The following NME8 variants were observed in gnomAD, a reference collection of about 807,000 sequenced individuals.
NME8 encodes the protein NME/NM23 family member 8.
In NME8, 72 loss-of-function variants were observed where a neutral mutation model predicts 82.3. That is an observed-to-expected ratio of 0.87 (90% CI 0.72 to 1.06). The LOEUF (loss-of-function observed/expected upper bound fraction) is 1.06, where lower values mean the gene tolerates loss of function less well. Ranked by LOEUF, NME8 falls within the 50% of genes least tolerant of loss-of-function variation. The pLI, the probability that NME8 is intolerant of heterozygous loss-of-function variation, is 0.00. For synonymous variants in NME8, 267 were observed against 228.5 expected, an observed-to-expected ratio of 1.17 and a Z score of -1.52; for missense variants, 712 against 685.4, an observed-to-expected ratio of 1.04 and a Z score of -0.43.
intron 11 of NME8, among the ~76,000 whole-genome samples, chr7:37,872,907 T>C (rs1483111736): frequency 6.6e-6 from 1 of 152,068 alleles, no homozygotes; most frequent in African/African-American, 2.4e-5. Context: ...TACAGGAACA[T>C]CCTGGGAAGA....
Position 37,887,980 on chromosome 7 carries a change from C to T in NME8, c.1248-297C>T, listed in dbSNP as rs28612250. Among the ~76,000 whole-genome samples the T allele has an allele frequency of 0.15, 22,674 of 152,164 alleles. 2,024 individuals are homozygous for T. The highest frequency in any genetic ancestry group is 0.24 in the Middle Eastern group (70 of 294). On this transcript the variant is annotated intron_variant, in intron 14 of 17. Coordinates refer to ENST00000199447, the MANE Select transcript of NME8 (RefSeq NM_016616.5). Reference sequence around the variant, plus strand: ...GGGGATTTTGGGGATTACAATTCAACATGAGAATTGGGTGGGAACAAAGCC... The same window carrying T: ...GGGGATTTTGGGGATTACAATTCAATATGAGAATTGGGTGGGAACAAAGCC...
intron 14 of NME8, among the ~76,000 whole-genome samples, chr7:37,887,752 G>T (rs1785066426): frequency 6.6e-6 from 1 of 152,112 alleles, no homozygotes; most frequent in Non-Finnish European, 1.5e-5. Flanking sequence ...GGCTGGGGAA[G>T]CCTCAGGAAA....
intron 15 of NME8, 118 bp from the exon 16 acceptor site, chr7:37,894,348 C>A: frequency 2.9e-6 from 3 of 1,039,336 alleles, no homozygotes; most frequent in Non-Finnish European, 4.4e-6. Context: ...CAGAGTTTTG[C>A]CATGTTAAAC....
At chr7:37,849,484 A>C (rs965870336) in intron 2 of NME8, among the ~76,000 whole-genome samples, 30 of 152,222 alleles carry the variant, frequency 2.0e-4, no homozygotes, top group Non-Finnish European at 4.4e-5. Flanking sequence ...AGCCTAGCAT[A>C]CAATAGTCCT....
chr7:37,896,752 A>G (rs1785234598), intron 16 of NME8, 118 bp from the exon 17 acceptor site: 1 of 838,632 alleles, frequency 1.2e-6, no homozygotes, highest in Non-Finnish European at 2.1e-6. Flanking sequence ...TGCACTGATA[A>G]GGACAAAGAA....
intron 12 of NME8, among the ~76,000 whole-genome samples, chr7:37,883,205 A>G (rs138774651): frequency 0.02 from 3,090 of 152,300 alleles, 43 homozygotes; most frequent in Non-Finnish European, 0.019. Context: ...AGCTGTTAAC[A>G]TTATATGGCA....
In NME8 at chr7:37,868,477, G is replaced by A. The variant is rs146955811; in HGVS notation, c.818+579G>A. Among the ~76,000 whole-genome samples, 254 of 152,218 alleles carry A rather than the reference G, an allele frequency of 1.7e-3. 1 individual carries two copies. The highest frequency in any genetic ancestry group is 5.9e-3 in the African/African-American group (244 of 41,536). On this transcript the variant is annotated intron_variant, in intron 11 of 17. Transcript: ENST00000199447. ...GATGCCAGCTTTAAATAATAGGGAA[G>A]TCTAGTTACTTCTAAATTCCTCAGA...
intron 10 of NME8, among the ~76,000 whole-genome samples, chr7:37,867,127 G>C (rs982144): frequency 1.3e-5 from 2 of 151,978 alleles, no homozygotes; most frequent in Non-Finnish European, 2.9e-5. Context: ...GGTGAGCAGC[G>C]GGATGACTTT....
intron 6 of NME8, among the ~76,000 whole-genome samples, chr7:37,861,400 G>A (rs17171184): frequency 0.16 from 23,758 of 152,078 alleles, 1,935 homozygotes; most frequent in South Asian, 0.19. Context: ...TTTAAACCAA[G>A]AATCACTTCC....
At position 37,850,709 on chromosome 7, in the gene NME8, G is replaced by A. The variant is rs369542497; in HGVS notation, c.172G>A (p.Glu58Lys). The change falls in exon 5 of 18, where the codon GAA becomes AAA. Residue 58 changes from glutamate (E) to lysine (K), a missense_variant. Physicochemically the swap from Glu to Lys is moderately conservative, Grantham distance 56. Transcript: ENST00000199447. ...CAGAAAATTGAAAAATGAACTGAACGAAGACGAAATTCTGCATTTTGCTGT... is the reference window on the plus strand; with the variant it reads ...CAGAAAATTGAAAAATGAACTGAACAAAGACGAAATTCTGCATTTTGCTGT... ...LFRKLKNELN[E>K]DEILHFAVAE... 8.3e-5 allele frequency: 134 copies of A among 1,613,172 alleles called. No homozygotes were observed. Among genetic ancestry groups the A allele is most frequent in the Non-Finnish European group, 1.0e-4 (121 of 1,179,336 alleles).
chr7:37,895,288 C>T (rs1785207208), intron 16 of NME8, among the ~76,000 whole-genome samples: 1 of 152,156 alleles, frequency 6.6e-6, no homozygotes, highest in African/African-American at 2.4e-5. Context: ...TTTATAACCA[C>T]CACATAGAAA....
chr7:37,872,280 C>T (rs1784776204), intron 11 of NME8, among the ~76,000 whole-genome samples: 1 of 152,170 alleles, frequency 6.6e-6, no homozygotes, highest in Non-Finnish European at 1.5e-5. Context: ...TCTTCTAAAG[C>T]ACAAGCTTGT....
intron 11 of NME8, among the ~76,000 whole-genome samples, chr7:37,870,161 G>A (rs1455754426): frequency 6.6e-6 from 1 of 151,452 alleles, no homozygotes; most frequent in Non-Finnish European, 1.5e-5. Context: ...CCAATCTTTT[G>A]GCTTCCCTGG....
intron 5 of NME8, among the ~76,000 whole-genome samples, chr7:37,852,268 ACT>A (rs1441641370): frequency 1.8e-4 from 28 of 151,844 alleles, no homozygotes; most frequent in Admixed American, 1.2e-3. Flanking sequence ...CTATCCCCAC[ACT>A]CTCATAGCCT....
chr7:37,882,132 AC>A (rs1316522071), intron 12 of NME8, among the ~76,000 whole-genome samples: 23 of 152,270 alleles, frequency 1.5e-4, no homozygotes, highest in African/African-American at 5.1e-4. Flanking sequence ...TGATCTTTAC[AC>A]ATTTATTTAA....
At chr7:37,899,217 A>C (rs927678697) in intron 17 of NME8, among the ~76,000 whole-genome samples, 3 of 152,216 alleles carry the variant, frequency 2.0e-5, no homozygotes, top group Non-Finnish European at 4.4e-5. Flanking sequence ...TCCTTCTATA[A>C]AGATACATGC....
chr7:37,852,055 G>A (rs2060712), intron 5 of NME8, among the ~76,000 whole-genome samples: 4 of 151,878 alleles, frequency 2.6e-5, no homozygotes, highest in African/African-American at 9.7e-5. Context: ...CTATTCAAGA[G>A]AGTAAGTGGC....
chr7:37,864,568 A>T, intron 9 of NME8, 147 bp downstream of exon 9: 2 of 809,984 alleles, frequency 2.5e-6, no homozygotes, highest in Non-Finnish European at 1.9e-6. Flanking sequence ...TGAGTACTTT[A>T]TGTCTTTACA....
At chr7:37,876,660 T>G (rs1784857053) in intron 11 of NME8, among the ~76,000 whole-genome samples, 172 bp from the exon 12 acceptor site, 1 of 150,334 alleles carries the variant, frequency 6.7e-6, no homozygotes, top group African/African-American at 2.5e-5. Context: ...AAAAGTTGAA[T>G]TAAGTATCAT....
Sources: gnomAD v4.1 joint callset for allele counts (sites outside exome capture counted in the v4.1 genomes callset) on GRCh38, gnomAD v4.1.1 for gene constraint, MANE v1.5 for transcripts, NCBI Gene and HGNC (gene_info 2026-07-23, HGNC 2026-07-21) for gene names.